The following ASIC2 variants were observed in gnomAD, a reference collection of about 807,000 sequenced individuals.
ASIC2 encodes acid-sensing ion channel 2.
In ASIC2, 25 loss-of-function variants were observed where a neutral mutation model predicts 57.3. The observed-to-expected ratio is 0.44, with a 90% CI of 0.32 to 0.61. The LOEUF is 0.61. Ranked by LOEUF, ASIC2 falls within the 20% of genes least tolerant of loss-of-function variation. The probability of loss-of-function intolerance (pLI) is 0.06; values close to 1 mark genes in which losing one functional copy is unlikely to be tolerated. For synonymous variants in ASIC2, 319 were observed against 307.5 expected, an observed-to-expected ratio of 1.04 and a Z score of -0.39; for missense variants, 641 against 738.1, an observed-to-expected ratio of 0.87 and a Z score of 1.52.
rs1187818502 is a variant in ASIC2, at chr17:34,099,786, G to C, written c.555+56192C>G. Reference sequence around the variant, plus strand: ...AGAAAGAAAGAAAGAAAGAAAGAAAGAAAGAAAGAAAGAAAGAAAAGAGAA... The same window carrying C: ...AGAAAGAAAGAAAGAAAGAAAGAAACAAAGAAAGAAAGAAAGAAAAGAGAA... On this transcript the variant is annotated intron_variant, in intron 1 of 9. Coordinates refer to the ASIC2 transcript ENST00000359872. 9.3e-5 allele frequency among the ~76,000 whole-genome samples: 6 copies of C among 64,842 alleles called. 1 individual carries two copies. In the South Asian group the frequency reaches 2.7e-3, roughly 29 times the overall value. The allele number at this position is 64,842 out of a possible 152,430, so 42.5% of individuals were successfully genotyped here. A position where few individuals can be genotyped will look rare whatever the true frequency, so the allele number is the denominator to read the frequency against.
At chr17:33,511,682 T>G (rs1370380462) in intron 1 of ASIC2, among the ~76,000 whole-genome samples, 1 of 152,214 alleles carries the variant, frequency 6.6e-6, no homozygotes, top group East Asian at 1.9e-4. Flanking sequence ...TGGGGTCCCC[T>G]TATTCATACT....
intron 1 of ASIC2, among the ~76,000 whole-genome samples, chr17:33,628,466 AT>A (rs796168644): frequency 1.0e-4 from 15 of 146,912 alleles, no homozygotes; most frequent in African/African-American, 2.0e-4. Flanking sequence ...TAGTTTTTAA[AT>A]TTTTTTTTTT....
intron 1 of ASIC2, among the ~76,000 whole-genome samples, chr17:33,851,306 C>G (rs1419313444): frequency 6.6e-6 from 1 of 151,968 alleles, no homozygotes; most frequent in African/African-American, 2.4e-5. Context: ...CTCCTGAGAC[C>G]ACCCAAGAGG....
chr17:33,408,599 A>G (rs1336504172), intron 1 of ASIC2, among the ~76,000 whole-genome samples: 1 of 152,250 alleles, frequency 6.6e-6, no homozygotes, highest in African/African-American at 2.4e-5. Context: ...CAACACACAC[A>G]ATAACTATCC....
At chr17:33,763,274 AGAAT>A (rs1910839697) in intron 1 of ASIC2, among the ~76,000 whole-genome samples, 1 of 152,204 alleles carries the variant, frequency 6.6e-6, no homozygotes, top group Non-Finnish European at 1.5e-5. Flanking sequence ...AAATATCTGT[AGAAT>A]GAATGAAGAA....
chr17:33,926,123 C>T (rs1346466677), intron 1 of ASIC2, among the ~76,000 whole-genome samples: 1 of 152,100 alleles, frequency 6.6e-6, no homozygotes, highest in Non-Finnish European at 1.5e-5. Context: ...GGTTGAGTAC[C>T]TGAAAGTTTG....
chr17:33,280,466 T>C (rs1907547261), intron 1 of ASIC2, among the ~76,000 whole-genome samples: 1 of 152,148 alleles, frequency 6.6e-6, no homozygotes, highest in South Asian at 2.1e-4. Context: ...CCAAGTACCA[T>C]ACAAACATAG....
At chr17:33,831,583 T>TAAAAA (rs11314344) in intron 1 of ASIC2, among the ~76,000 whole-genome samples, 1 of 142,662 alleles carries the variant, frequency 7.0e-6, no homozygotes, top group Non-Finnish European at 1.5e-5. Flanking sequence ...TGATCTGAAG[T>TAAAAA]AAAAAAAAAA....
intron 1 of ASIC2, among the ~76,000 whole-genome samples, chr17:33,114,938 TCAATTGATC>T (rs2092274916): frequency 6.6e-6 from 1 of 152,156 alleles, no homozygotes; most frequent in Admixed American, 6.5e-5. Context: ...TCTCTGAACT[TCAATTGATC>T]ATTGACTGAG....
At chr17:34,095,639 A>ATATATATATATAATTT (rs1567818887) in intron 1 of ASIC2, among the ~76,000 whole-genome samples, 15 of 135,574 alleles carry the variant, frequency 1.1e-4, no homozygotes, top group African/African-American at 4.3e-4. Flanking sequence ...AATTTTATAT[A>ATATATATATATAATTT]TATATATATA....
At chr17:33,077,477 G>A (rs755731663) in intron 3 of ASIC2, among the ~76,000 whole-genome samples, 4 of 152,072 alleles carry the variant, frequency 2.6e-5, no homozygotes, top group Admixed American at 6.5e-5. Context: ...AATAACTTAC[G>A]TTATTAGGTA....
intron 1 of ASIC2, among the ~76,000 whole-genome samples, chr17:34,121,364 C>T (rs1449818334): frequency 6.6e-6 from 1 of 152,168 alleles, no homozygotes; most frequent in Non-Finnish European, 1.5e-5. Flanking sequence ...AAAGGAACTT[C>T]GCCTGTACTC....
intron 1 of ASIC2, among the ~76,000 whole-genome samples, chr17:33,779,248 A>G (rs1911376028): frequency 6.6e-6 from 1 of 151,910 alleles, no homozygotes; most frequent in Non-Finnish European, 1.5e-5. Context: ...GTTGTTCCTT[A>G]AAAAAAAGAT....
At chr17:33,457,874 C>T (rs1912504607) in intron 1 of ASIC2, among the ~76,000 whole-genome samples, 1 of 152,298 alleles carries the variant, frequency 6.6e-6, no homozygotes, top group South Asian at 2.1e-4. Flanking sequence ...TAATTCCTGG[C>T]AGCAGAGTTA....
chr17:33,379,390 C>A (rs963225849), intron 1 of ASIC2, among the ~76,000 whole-genome samples: 3 of 152,166 alleles, frequency 2.0e-5, no homozygotes, highest in African/African-American at 7.2e-5. Flanking sequence ...AGTTATTTAC[C>A]CCTTTGTCAG....
intron 1 of ASIC2, among the ~76,000 whole-genome samples, chr17:34,093,518 T>A (rs1910410219): frequency 6.6e-6 from 1 of 151,986 alleles, no homozygotes; most frequent in Non-Finnish European, 1.5e-5. Flanking sequence ...GACTGTAAAC[T>A]CCAAAAGGCA....
intron 1 of ASIC2, among the ~76,000 whole-genome samples, chr17:33,341,812 G>T (rs1243419808): frequency 6.6e-6 from 1 of 152,164 alleles, no homozygotes; most frequent in Non-Finnish European, 1.5e-5. Flanking sequence ...CCTAGTGGCT[G>T]TTGGGATAAA....
At chr17:33,147,912 G>A (rs756029026) in intron 1 of ASIC2, among the ~76,000 whole-genome samples, 8 of 152,172 alleles carry the variant, frequency 5.3e-5, no homozygotes, top group South Asian at 2.1e-4. Flanking sequence ...GGAGGACCGG[G>A]ATGCATAGCT....
At chr17:33,144,474 C>T (rs947398631) in intron 1 of ASIC2, among the ~76,000 whole-genome samples, 1 of 152,182 alleles carries the variant, frequency 6.6e-6, no homozygotes, top group Non-Finnish European at 1.5e-5. Context: ...CTCAACAGCA[C>T]TTGAACCCTG....
Sources: gnomAD v4.1 joint callset for allele counts (sites outside exome capture counted in the v4.1 genomes callset) on GRCh38, gnomAD v4.1.1 for gene constraint, MANE v1.5 for transcripts, NCBI Gene and HGNC (gene_info 2026-07-23, HGNC 2026-07-21) for gene names.